IL20RA: variants seen among roughly 807,000 people sequenced by gnomAD.
IL20RA encodes the protein interleukin 20 receptor subunit alpha.
Under a neutral mutation model 36.5 loss-of-function variants are expected in IL20RA, and 29 were observed. The ratio of observed to expected loss-of-function variants is 0.79; its 90% CI spans 0.59 to 1.08. The LOEUF (loss-of-function observed/expected upper bound fraction) is 1.08. Ranked by LOEUF, IL20RA falls within the 50% of genes least tolerant of loss-of-function variation. IL20RA has a pLI of 0.00. For synonymous variants in IL20RA, 279 were observed against 267.1 expected, an observed-to-expected ratio of 1.04 and a Z score of -0.43; for missense variants, 652 against 668.4, an observed-to-expected ratio of 0.98 and a Z score of 0.27.
intron 6 of IL20RA, among the ~76,000 whole-genome samples, chr6:137,004,174 T>TGTTTGTTTTTTTG (rs548602821): frequency 2.4e-5 from 3 of 124,450 alleles, no homozygotes; most frequent in Non-Finnish European, 3.4e-5. Flanking sequence ...TTTTTTTTTT[T>TGTTTGTTTTTTTG]TTTTTTTTTT....
intron 3 of IL20RA, among the ~76,000 whole-genome samples, chr6:137,010,270 T>C (rs1337206372): frequency 6.6e-6 from 1 of 152,208 alleles, no homozygotes; most frequent in Admixed American, 6.5e-5. Context: ...CATATGATCT[T>C]TGTTGCACTA....
intron 5 of IL20RA, among the ~76,000 whole-genome samples, chr6:137,005,639 G>A (rs1775252083): frequency 6.6e-6 from 1 of 152,112 alleles, no homozygotes; most frequent in African/African-American, 2.4e-5. Context: ...AGCCTTCTGT[G>A]AAGGTTTTTG....
chr6:137,018,489 C>T (rs943885557), intron 1 of IL20RA, among the ~76,000 whole-genome samples: 3 of 148,828 alleles, frequency 2.0e-5, no homozygotes, highest in African/African-American at 7.4e-5. Context: ...CAGAGAAGCA[C>T]AATCAATTGA....
chr6:137,006,206 G>A lies in IL20RA; in HGVS notation c.725-1446C>T, dbSNP rs149243819. On this transcript the variant is annotated intron_variant, in intron 5 of 6. Transcript: ENST00000316649. ...TCTGGTTAACTATCCAGTTGAAAGC[G>A]AAACAGATGTGTCATGGCTGATGAG... is the stretch of plus-strand genomic sequence containing the variant. Among the ~76,000 whole-genome samples the A allele has an allele frequency of 2.6e-5, 4 of 152,312 alleles. No individual in the cohort carries two copies. In the East Asian group the frequency reaches 7.7e-4, roughly 29 times the overall value.
chr6:137,009,276 AG>A, intron 4 of IL20RA, 40 bp downstream of exon 4: 1 of 1,498,508 alleles, frequency 6.7e-7, no homozygotes, highest in Non-Finnish European at 9.3e-7. Flanking sequence ...TTAGCTACAG[AG>A]TGGTACATGA....
intron 1 of IL20RA, among the ~76,000 whole-genome samples, chr6:137,021,502 C>A (rs546913163): frequency 2.9e-4 from 40 of 140,092 alleles, no homozygotes; most frequent in South Asian, 4.5e-4. Context: ...CTGTTTCTAG[C>A]AAAAAAAAAA....
chr6:137,017,519 AG>A (rs980118418), intron 1 of IL20RA, among the ~76,000 whole-genome samples: 7 of 152,328 alleles, frequency 4.6e-5, no homozygotes, highest in Non-Finnish European at 1.0e-4. Flanking sequence ...CATCTGGCAG[AG>A]CCCCAGTTAA....
intron 1 of IL20RA, among the ~76,000 whole-genome samples, chr6:137,018,075 T>A (rs1372491776): frequency 1.3e-5 from 2 of 152,224 alleles, no homozygotes; most frequent in Non-Finnish European, 2.9e-5. Context: ...AATATGCACA[T>A]TCTAGTCAAT....
intron 1 of IL20RA, among the ~76,000 whole-genome samples, chr6:137,018,845 G>A (rs1453769753): frequency 2.0e-5 from 3 of 152,160 alleles, no homozygotes; most frequent in African/African-American, 7.2e-5. Context: ...GATCTTTCCA[G>A]AGCTAAAATG....
At position 137,017,292 on chromosome 6, in the gene IL20RA, T is replaced by C. The variant is rs1775732323; in HGVS notation, c.89-189A>G. 2.6e-5 allele frequency among the ~76,000 whole-genome samples: 4 copies of C among 152,168 alleles called. No individual in the cohort carries two copies. In the South Asian group the frequency reaches 8.3e-4, roughly 32 times the overall value. On this transcript the variant is annotated intron_variant, in intron 1 of 6. Coordinates refer to ENST00000316649, the MANE Select transcript of IL20RA (RefSeq NM_014432.4). ...GGGACTAAGCCAGGACTTTTGCTTT[T>C]CAAAAAAATTCCCGAGTTGCTATGT...
intron 1 of IL20RA, among the ~76,000 whole-genome samples, chr6:137,018,513 C>T (rs954481555): frequency 3.8e-4 from 55 of 142,914 alleles, no homozygotes; most frequent in African/African-American, 4.9e-4. Flanking sequence ...CTGCCGTGTG[C>T]GTGTGTGTGT....
intron 1 of IL20RA, chr6:137,042,838 T>C (rs919220618): frequency 2.0e-5 from 3 of 152,170 alleles, no homozygotes; most frequent in Non-Finnish European, 4.4e-5. Context: ...ACAGAAGACA[T>C]TGTAGATAAT....
intron 1 of IL20RA, 91 bp downstream of exon 1, chr6:137,044,550 C>A (rs1282347969): frequency 1.8e-5 from 21 of 1,168,948 alleles, no homozygotes; most frequent in Admixed American, 4.4e-5. Flanking sequence ...GGCCGGCGGG[C>A]AGGAGGGGAG....
chr6:137,023,507 T>C (rs1272227439), intron 1 of IL20RA, among the ~76,000 whole-genome samples: 2 of 152,202 alleles, frequency 1.3e-5, no homozygotes, highest in Non-Finnish European at 2.9e-5. Flanking sequence ...AATGGATCAC[T>C]TCACTGCTGA....
chr6:137,015,074 C>G (rs1016459750), intron 2 of IL20RA, among the ~76,000 whole-genome samples: 3 of 152,178 alleles, frequency 2.0e-5, no homozygotes, highest in Non-Finnish European at 4.4e-5. Flanking sequence ...TTTCTCTCAA[C>G]TTGAGTTCTG....
intron 1 of IL20RA, among the ~76,000 whole-genome samples, chr6:137,040,634 G>A (rs1156602082): frequency 6.6e-6 from 1 of 152,182 alleles, no homozygotes; most frequent in African/African-American, 2.4e-5. Context: ...CAATAAAACT[G>A]ATAATGATAG....
At position 137,044,664 on chromosome 6, in the gene IL20RA, A is replaced by G. The variant is rs1290897277; in HGVS notation, c.65T>C (p.Leu22Pro). The G allele has an allele frequency of 1.6e-6, 2 of 1,223,220 alleles. No individual in the cohort carries two copies. Among genetic ancestry groups the G allele is most frequent in the Non-Finnish European group, 2.0e-6 (2 of 982,310 alleles). 75.8% of individuals were successfully genotyped at this position (1,223,220 alleles called of 1,614,324 possible). The part of the protein sequence containing the change: ...LPLPPLLLLL[L>P]AAPWGRAVPC... Reference sequence around the variant, plus strand: ...ACCTGCCCGTCCCCAAGGCGCCGCCAGGAGCAACAGCAGCAGCGGCGGCAG... The same window carrying G: ...ACCTGCCCGTCCCCAAGGCGCCGCCGGGAGCAACAGCAGCAGCGGCGGCAG... Residue 22 changes from leucine (L) to proline (P), a missense_variant, in exon 1 of 7, where the codon CTG (leucine) becomes CCG (proline). By Grantham distance (98) the Leu-to-Pro change is moderately conservative. Coordinates refer to ENST00000316649, the MANE Select transcript of IL20RA (RefSeq NM_014432.4).
chr6:137,018,571 A>G (rs1775788947), intron 1 of IL20RA, among the ~76,000 whole-genome samples: 1 of 150,600 alleles, frequency 6.6e-6, no homozygotes, highest in Admixed American at 6.7e-5. Context: ...GAATCTCAAA[A>G]GGACATAGCC....
At chr6:137,014,708 C>T (rs1023110171) in intron 2 of IL20RA, among the ~76,000 whole-genome samples, 3 of 152,128 alleles carry the variant, frequency 2.0e-5, no homozygotes, top group African/African-American at 4.8e-5. Context: ...GTTCCCCCCC[C>T]CTTTTCCACC....
Sources: allele counts gnomAD v4.1 joint callset (sites outside exome capture counted in the v4.1 genomes callset), GRCh38; gene constraint gnomAD v4.1.1; transcripts MANE v1.5; gene names NCBI Gene and HGNC (gene_info 2026-07-23, HGNC 2026-07-21).